VPS13B: variants seen among roughly 807,000 people sequenced by gnomAD.
VPS13B encodes the protein vacuolar protein sorting 13 homolog B.
Under a neutral mutation model 426.4 loss-of-function variants are expected in VPS13B, and 285 were observed. The ratio of observed to expected loss-of-function variants is 0.67; its 90% CI spans 0.61 to 0.74. VPS13B has a LOEUF of 0.74. VPS13B is among the 30% of genes least tolerant of loss of function. The pLI, the probability that VPS13B is intolerant of heterozygous loss-of-function variation, is 0.00. For synonymous variants in VPS13B, 1,676 were observed against 1,676.4 expected (o/e 1.00, Z 0.01); for missense variants, 4,537 against 4,782.6 (o/e 0.95, Z 1.51).
chr8:99,034,376 A>G (rs1166776006), intron 2 of VPS13B, among the ~76,000 whole-genome samples: 1 of 147,916 alleles, frequency 6.8e-6, no homozygotes, highest in Non-Finnish European at 1.5e-5. Context: ...ATATACATTT[A>G]TTGGGTAATA....
At chr8:99,689,916 A>C (rs1169466761) in intron 35 of VPS13B, among the ~76,000 whole-genome samples, 1 of 152,132 alleles carries the variant, frequency 6.6e-6, no homozygotes, top group African/African-American at 2.4e-5. Context: ...ACCCTTCTTT[A>C]GTTTTCATTT....
In VPS13B at chr8:99,467,760, A is replaced by G. The variant is rs1588411349; in HGVS notation, c.3666+126A>G. On this transcript the variant is annotated intron_variant, in intron 24 of 61. Transcript: ENST00000357162. Reference sequence around the variant, plus strand: ...AATTATTTTTAACTTGGCCATCAAGATCAGGGTGGTTAGATTAAGAATTGC... The same window carrying G: ...AATTATTTTTAACTTGGCCATCAAGGTCAGGGTGGTTAGATTAAGAATTGC... 3.0e-6 allele frequency: 3 copies of G among 1,008,196 alleles called. No individual in the cohort carries two copies. The East Asian group carries it at 7.7e-5, about 26-fold the overall frequency. 62.5% of individuals were successfully genotyped at this position (1,008,196 alleles called of 1,614,324 possible).
At chr8:99,402,954 G>A (rs1346628668) in intron 21 of VPS13B, among the ~76,000 whole-genome samples, 1 of 152,212 alleles carries the variant, frequency 6.6e-6, no homozygotes, top group Admixed American at 6.5e-5. Context: ...CTTTACTAGC[G>A]AATAAACATT....
At chr8:99,420,550 G>T (rs1816311465) in intron 21 of VPS13B, among the ~76,000 whole-genome samples, 2 of 152,110 alleles carry the variant, frequency 1.3e-5, no homozygotes, top group African/African-American at 4.8e-5. Context: ...TATCTAATTG[G>T]TGGCATGTTA....
At chr8:99,176,975 G>A (rs975102671) in intron 16 of VPS13B, among the ~76,000 whole-genome samples, 2 of 152,200 alleles carry the variant, frequency 1.3e-5, no homozygotes, top group Non-Finnish European at 2.9e-5. Context: ...TTAGTCAGCA[G>A]ATGAGTTTCC....
At chr8:99,497,440 G>A (rs1030819112) in intron 25 of VPS13B, among the ~76,000 whole-genome samples, 4 of 147,552 alleles carry the variant, frequency 2.7e-5, no homozygotes, top group African/African-American at 9.8e-5. Flanking sequence ...TCTACCTAAA[G>A]TAAGAATTGA....
chr8:99,480,740 C>G (rs888209757), intron 24 of VPS13B, among the ~76,000 whole-genome samples: 2 of 152,090 alleles, frequency 1.3e-5, no homozygotes, highest in Non-Finnish European at 2.9e-5. Flanking sequence ...TGTTTTTATG[C>G]ATCTGTTCTG....
chr8:99,156,921 A>T (rs1811394538), intron 15 of VPS13B, among the ~76,000 whole-genome samples, 178 bp downstream of exon 15: 1 of 152,222 alleles, frequency 6.6e-6, no homozygotes. Context: ...AAATATACTT[A>T]TTTTAAAGAT....
intron 23 of VPS13B, among the ~76,000 whole-genome samples, chr8:99,450,502 T>C (rs1041724069): frequency 3.3e-5 from 5 of 152,078 alleles, no homozygotes; most frequent in Admixed American, 1.3e-4. Context: ...ATCACAAGGT[T>C]AGGAGATCAA....
chr8:99,804,524 A>T (rs1444182192), intron 43 of VPS13B, among the ~76,000 whole-genome samples: 5 of 152,208 alleles, frequency 3.3e-5, no homozygotes, highest in Non-Finnish European at 7.3e-5. Context: ...TGGCCCCAGG[A>T]GGCACTCATA....
intron 17 of VPS13B, among the ~76,000 whole-genome samples, chr8:99,240,593 G>A (rs536755873): frequency 5.9e-5 from 9 of 152,216 alleles, no homozygotes; most frequent in Non-Finnish European, 1.2e-4. Flanking sequence ...GCCAAAGCAT[G>A]CAGTTACAAC....
At chr8:99,211,490 T>G (rs1815086840) in intron 17 of VPS13B, among the ~76,000 whole-genome samples, 1 of 152,218 alleles carries the variant, frequency 6.6e-6, no homozygotes, top group Non-Finnish European at 1.5e-5. Flanking sequence ...CCAAGGATCC[T>G]TCTTGGTAGA....
intron 20 of VPS13B, 143 bp downstream of exon 20, chr8:99,384,460 T>A: frequency 1.5e-6 from 1 of 684,324 alleles, no homozygotes. Flanking sequence ...TTTCAAACAA[T>A]TCCGTTCCCT....
At position 99,875,479 on chromosome 8, in the gene VPS13B, C is replaced by CAA. The variant is rs1371736348; in HGVS notation, c.11809_11810dup (p.Thr3938ArgfsTer51). 1 of 1,614,184 alleles carries CAA rather than the reference C, an allele frequency of 6.2e-7. No individual in the cohort carries two copies. Among genetic ancestry groups the CAA allele is most frequent in the Non-Finnish European group, 8.5e-7 (1 of 1,180,032 alleles). On this transcript the variant is annotated frameshift_variant, in exon 62 of 62. Transcript: ENST00000357162. LOFTEE classifies it high-confidence loss of function. ...TACAACAGACTGGTGGACTACATCA[C>CAA]AAAGACATCTTGTCACCTGGCCCCC... is the stretch of plus-strand genomic sequence containing the variant.
chr8:99,541,512 G>A (rs1012755007), intron 30 of VPS13B, among the ~76,000 whole-genome samples: 9 of 151,946 alleles, frequency 5.9e-5, no homozygotes, highest in South Asian at 4.2e-4. Flanking sequence ...CCCTGCACCC[G>A]GACAGGCCCC....
chr8:99,079,385 A>T (rs1845319678), intron 3 of VPS13B, among the ~76,000 whole-genome samples: 1 of 152,136 alleles, frequency 6.6e-6, no homozygotes, highest in Admixed American at 6.5e-5. Context: ...TGGGTGGGCT[A>T]GTCCTGTCCT....
At chr8:99,106,316 T>A (rs1847040634) in intron 5 of VPS13B, among the ~76,000 whole-genome samples, 1 of 150,260 alleles carries the variant, frequency 6.7e-6, no homozygotes, top group African/African-American at 2.5e-5. Context: ...GTGCCTGTAA[T>A]CCTAGCTACT....
intron 25 of VPS13B, among the ~76,000 whole-genome samples, chr8:99,489,617 C>T (rs936268221): frequency 2.6e-5 from 4 of 152,034 alleles, no homozygotes; most frequent in Middle Eastern, 3.4e-3. Flanking sequence ...GAGGTCCTTC[C>T]CATCCCTTGT....
intron 17 of VPS13B, among the ~76,000 whole-genome samples, chr8:99,196,369 A>G (rs1008904985): frequency 6.6e-6 from 1 of 151,902 alleles, no homozygotes; most frequent in African/African-American, 2.4e-5. Flanking sequence ...ATGTTAATGC[A>G]TAAAAATGGT....
Sources: gnomAD v4.1 joint callset for allele counts (sites outside exome capture counted in the v4.1 genomes callset) on GRCh38, gnomAD v4.1.1 for gene constraint, MANE v1.5 for transcripts, NCBI Gene and HGNC (gene_info 2026-07-23, HGNC 2026-07-21) for gene names.